PEX13: variants seen among roughly 807,000 people sequenced by gnomAD.
PEX13 encodes peroxisome biogenesis factor 13.
In PEX13, 28 loss-of-function variants were observed where a neutral mutation model predicts 34.5. The observed-to-expected ratio is 0.81, with a 90% CI of 0.60 to 1.11. The LOEUF (loss-of-function observed/expected upper bound fraction) is 1.11. Ranked by LOEUF, PEX13 falls within the 50% of genes most tolerant of loss-of-function variation. The pLI, the probability that PEX13 is intolerant of heterozygous loss-of-function variation, is 0.00. For missense variants in PEX13, 550 were observed against 491.0 expected, an observed-to-expected ratio of 1.12 and a Z score of -1.13; for synonymous variants, 177 against 175.1, an observed-to-expected ratio of 1.01 and a Z score of -0.09.
chr2:61,021,826 A>G (rs1314356748), intron 1 of PEX13, among the ~76,000 whole-genome samples: 1 of 152,184 alleles, frequency 6.6e-6, no homozygotes, highest in Non-Finnish European at 1.5e-5. Flanking sequence ...TTCCAGAGGA[A>G]GGATCAGGCA....
intron 2 of PEX13, among the ~76,000 whole-genome samples, chr2:61,044,338 G>C (rs542182405): frequency 1.3e-5 from 2 of 152,020 alleles, no homozygotes; most frequent in South Asian, 4.2e-4. Flanking sequence ...GTGCAGTCTC[G>C]GCTCACTGCA....
chr2:61,025,311 C>T (rs1409537846), intron 1 of PEX13, among the ~76,000 whole-genome samples: 3 of 150,982 alleles, frequency 2.0e-5, no homozygotes, highest in African/African-American at 7.3e-5. Context: ...CCTCATGATC[C>T]ACCCATAATT....
chr2:61,022,155 A>G (rs1680274686), intron 1 of PEX13, among the ~76,000 whole-genome samples: 1 of 152,244 alleles, frequency 6.6e-6, no homozygotes, highest in South Asian at 2.1e-4. Flanking sequence ...CCAGCAACGG[A>G]ACAAAGCTGG....
At chr2:61,037,414 A>G (rs1029275651) in intron 2 of PEX13, among the ~76,000 whole-genome samples, 1 of 152,164 alleles carries the variant, frequency 6.6e-6, no homozygotes, top group Non-Finnish European at 1.5e-5. Flanking sequence ...AATCACAACA[A>G]ACTGTCTCTC....
intron 1 of PEX13, among the ~76,000 whole-genome samples, chr2:61,026,344 C>CTTTTTTT (rs71402320): frequency 1.5e-3 from 180 of 121,174 alleles, no homozygotes; most frequent in Non-Finnish European, 1.8e-3. Context: ...TTTCTTTTTT[C>CTTTTTTT]TTTTTTTTTT....
At chr2:61,033,129 G>A (rs549144356) in intron 2 of PEX13, among the ~76,000 whole-genome samples, 12 of 152,296 alleles carry the variant, frequency 7.9e-5, no homozygotes, top group Middle Eastern at 3.4e-3. Context: ...AAGTCAGCAC[G>A]TTGTAATTAG....
In PEX13 at chr2:61,051,351, A is replaced by T. The variant is rs895620341; in HGVS notation, c.*2581A>T. ...ATGTCTAAATTGAATGCTAGAAGTA[A>T]AGTAGAAGTGACCACTATTAAAGAT... On this transcript the variant is annotated 3_prime_UTR_variant, in exon 4 of 4. Coordinates refer to ENST00000295030, the MANE Select transcript of PEX13 (RefSeq NM_002618.4). 1.3e-5 allele frequency: 2 copies of T among 152,354 alleles called. No individual in the cohort carries two copies. Among genetic ancestry groups the T allele is most frequent in the African/African-American group, 4.8e-5 (2 of 41,456 alleles). The allele number at this position is 152,354 out of a possible 1,614,324, so 9.4% of individuals were successfully genotyped here. A position where few individuals can be genotyped will look rare whatever the true frequency, so the allele number is the denominator to read the frequency against.
chr2:61,026,500 A>G (rs1680357993), intron 1 of PEX13, among the ~76,000 whole-genome samples: 1 of 150,944 alleles, frequency 6.6e-6, no homozygotes, highest in Non-Finnish European at 1.5e-5. Context: ...GGCGCCCACC[A>G]CCACGCGTGG....
chr2:61,043,437 C>G (rs1487993824), intron 2 of PEX13, among the ~76,000 whole-genome samples: 1 of 151,818 alleles, frequency 6.6e-6, no homozygotes, highest in Non-Finnish European at 1.5e-5. Flanking sequence ...GAATTAGCCT[C>G]TATGAATAGT....
intron 1 of PEX13, among the ~76,000 whole-genome samples, chr2:61,025,909 C>T (rs770276945): frequency 1.3e-5 from 2 of 152,258 alleles, no homozygotes; most frequent in Middle Eastern, 6.8e-3. Context: ...TTTAAGGTCC[C>T]AATCTGAAGT....
intron 2 of PEX13, among the ~76,000 whole-genome samples, chr2:61,039,515 G>A (rs888950628): frequency 6.6e-6 from 1 of 152,070 alleles, no homozygotes; most frequent in Non-Finnish European, 1.5e-5. Flanking sequence ...TTTAATAAAT[G>A]GTGCTGGAAA....
At chr2:61,018,002 G>T in intron 1 of PEX13, 151 bp downstream of exon 1, 2 of 1,333,460 alleles carry the variant, frequency 1.5e-6, no homozygotes, top group Non-Finnish European at 2.0e-6. Flanking sequence ...GAGCTGGGGC[G>T]CTTACCAGTG....
At chr2:61,034,000 GT>G (rs1203527771) in intron 2 of PEX13, among the ~76,000 whole-genome samples, 1 of 151,312 alleles carries the variant, frequency 6.6e-6, no homozygotes, top group Non-Finnish European at 1.5e-5. Context: ...TTTTTGTTTT[GT>G]TTTTTTTCTT....
In PEX13 at chr2:61,048,523, C is replaced by A; in HGVS notation, c.965C>A (p.Thr322Lys). ...CTTCTGGCTAGCCTTGATGGCCAAA[C>A]AACAGGACTTATACCTGCGAATTAT... Reference protein sequence around the residue: ...GWLLASLDGQTTGLIPANYVK... With the variant: ...GWLLASLDGQKTGLIPANYVK... Residue 322 changes from threonine (T) to lysine (K), a missense_variant, in exon 4 of 4, where the codon ACA becomes AAA. Coordinates refer to ENST00000295030, the MANE Select transcript of PEX13 (RefSeq NM_002618.4). The A allele has an allele frequency of 6.2e-7, 1 of 1,613,980 alleles. No individual in the cohort carries two copies. Among genetic ancestry groups the A allele is most frequent in the Non-Finnish European group, 8.5e-7 (1 of 1,179,914 alleles).
At chr2:61,027,601 G>A (rs1573551137) in intron 1 of PEX13, among the ~76,000 whole-genome samples, 1 of 152,142 alleles carries the variant, frequency 6.6e-6, no homozygotes, top group African/African-American at 2.4e-5. Context: ...AGCACTTTTC[G>A]TTTTTGTTAC....
At chr2:61,028,949 G>A (rs910994669) in intron 1 of PEX13, among the ~76,000 whole-genome samples, 3 of 152,152 alleles carry the variant, frequency 2.0e-5, no homozygotes, top group Non-Finnish European at 4.4e-5. Context: ...TTGAGAGGTA[G>A]AAGTGGAAGG....
Position 61,045,824 on chromosome 2 carries a change from G to A in PEX13, c.886G>A (p.Gly296Ser). Residue 296 changes from glycine (G) to serine (S), a missense_variant, in exon 3 of 4, where the codon GGT becomes AGT. Transcript: ENST00000295030. ...VSEEEISFRA[G>S]DMLNLALKEQ... ...TGAAGAAGAAATTTCTTTCCGGGCTGGTGATATGCTGAACTTAGCTCTCAA... is the reference window on the plus strand; with the variant it reads ...TGAAGAAGAAATTTCTTTCCGGGCTAGTGATATGCTGAACTTAGCTCTCAA... The A allele has an allele frequency of 1.2e-6, 2 of 1,613,030 alleles. No homozygotes were observed. The highest frequency in any genetic ancestry group is 2.2e-5 in the South Asian group (2 of 91,042).
chr2:61,043,037 C>T (rs1680649969), intron 2 of PEX13, among the ~76,000 whole-genome samples: 1 of 152,178 alleles, frequency 6.6e-6, no homozygotes, highest in Admixed American at 6.5e-5. Context: ...TACTCTCTCG[C>T]ATGCACTCTT....
Position 61,037,745 on chromosome 2 carries a change from A to G in PEX13, c.787+5632A>G, listed in dbSNP as rs562717235. ...ACAAATTCAAAAGCTAGCAGAAGGC[A>G]AGACATAACTAAGATCAGAGCAAAA... On this transcript the variant is annotated intron_variant, in intron 2 of 3. Transcript: ENST00000295030. 2.5e-4 allele frequency among the ~76,000 whole-genome samples: 38 copies of G among 152,368 alleles called. 1 individual carries two copies. Among genetic ancestry groups the G allele is most frequent in the Non-Finnish European group, 7.3e-5 (5 of 68,040 alleles).
Sources: gnomAD v4.1 joint callset for allele counts (sites outside exome capture counted in the v4.1 genomes callset) on GRCh38, gnomAD v4.1.1 for gene constraint, MANE v1.5 for transcripts, NCBI Gene and HGNC (gene_info 2026-07-23, HGNC 2026-07-21) for gene names.